Variants in MIOS observed in about 807,000 individuals in gnomAD.
MIOS encodes the protein GATOR2 complex protein MIOS.
Under a neutral mutation model 96.9 loss-of-function variants are expected in MIOS, and 52 were observed. That is an observed-to-expected ratio of 0.54 (90% CI 0.43 to 0.68). The LOEUF is 0.68. MIOS is among the 30% of genes least tolerant of loss of function. MIOS has a pLI of 0.00. For missense variants in MIOS, 1,005 were observed against 1,052.8 expected (o/e 0.95, Z 0.63); for synonymous variants, 397 against 359.5 (o/e 1.10, Z -1.18).
At chr7:7,605,821 T>A in intron 11 of MIOS, 121 bp from the exon 12 acceptor site, 1 of 993,444 alleles carries the variant, frequency 1.0e-6, no homozygotes, top group Non-Finnish European at 1.4e-6. Flanking sequence ...ACCATCAAAA[T>A]TGCTATTTCA....
chr7:7,571,947 G>A (rs1783368836), intron 3 of MIOS, among the ~76,000 whole-genome samples: 1 of 152,168 alleles, frequency 6.6e-6, no homozygotes. Context: ...CATTTCTAGT[G>A]CTCAGTAGCT....
At chr7:7,569,421 A>G (rs1197164039) in intron 3 of MIOS, among the ~76,000 whole-genome samples, 2 of 152,260 alleles carry the variant, frequency 1.3e-5, no homozygotes, top group Admixed American at 6.5e-5. Context: ...AGAATAAATG[A>G]AAGTATAATA....
chr7:7,589,242 T>A (rs528039430), intron 8 of MIOS, among the ~76,000 whole-genome samples, 163 bp from the exon 9 acceptor site: 1 of 152,304 alleles, frequency 6.6e-6, no homozygotes, highest in East Asian at 1.9e-4. Flanking sequence ...TGCTTTGAAA[T>A]TTGTAATAGA....
intron 1 of MIOS, chr7:7,567,397 C>CA (rs1285836207): frequency 2.0e-5 from 3 of 152,418 alleles, no homozygotes; most frequent in African/African-American, 7.2e-5. Context: ...GAGTCGGACT[C>CA]AGATTCCTGC....
chr7:7,603,756 TGC>T (rs1784445365), intron 11 of MIOS, among the ~76,000 whole-genome samples: 4 of 152,220 alleles, frequency 2.6e-5, no homozygotes, highest in Non-Finnish European at 4.4e-5. Context: ...TAAAGACACA[TGC>T]ACACGTATGT....
In MIOS at chr7:7,572,709, G is replaced by A; in HGVS notation, c.234G>A (p.Leu78=). The change falls in exon 4 of 13, where the codon CTG becomes CTA. Residue 78 remains leucine (L), a synonymous_variant. Transcript: ENST00000340080. The surrounding 1 kb of genome is among the most constrained non-coding windows in gnomAD (Gnocchi z 4.8). ...TTAATTATGATCCTGAATGTCTGCT[G>A]GCAGTTGGACAAGCAAATGGTCGAG... ...WYLNYDPECL[L]AVGQANGRVV... 1 of 1,614,152 alleles carries A rather than the reference G, an allele frequency of 6.2e-7. No individual in the cohort carries two copies. Among genetic ancestry groups the A allele is most frequent in the Non-Finnish European group, 8.5e-7 (1 of 1,180,006 alleles).
chr7:7,574,154 T>C lies in MIOS; in HGVS notation c.1351T>C (p.Leu451=). 1 of 1,611,100 alleles carries C rather than the reference T, an allele frequency of 6.2e-7. No homozygotes were observed. The highest frequency in any genetic ancestry group is 8.5e-7 in the Non-Finnish European group (1 of 1,178,324). The change falls in exon 5 of 13, where the codon TTG becomes CTG. Residue 451 remains leucine (L), a synonymous_variant. Coordinates refer to ENST00000340080, the MANE Select transcript of MIOS (RefSeq NM_019005.4). ...GAAATCTCCAGGCAACAAAGGATCA[T>C]TGGTTTATGCAGGAATTAAATCAAT... ...DQKSPGNKGS[L]VYAGIKSIVK... is the part of the protein sequence containing the mutation.
chr7:7,607,373 C>G lies in MIOS; in HGVS notation c.*281C>G, dbSNP rs757621081. Reference sequence around the variant, plus strand: ...TCTAAGTTTTGGTTGAAATTATGAACACTCTAGAAGCAGAATTTCTGGAAG... The same window carrying G: ...TCTAAGTTTTGGTTGAAATTATGAAGACTCTAGAAGCAGAATTTCTGGAAG... On this transcript the variant is annotated 3_prime_UTR_variant, in exon 13 of 13. Transcript: ENST00000340080. The G allele has an allele frequency of 3.3e-5, 8 of 240,786 alleles. No homozygotes were observed. The highest frequency in any genetic ancestry group is 5.6e-5 in the Non-Finnish European group (7 of 126,056). 14.9% of individuals were successfully genotyped at this position (240,786 alleles called of 1,614,324 possible). A position where few individuals can be genotyped will look rare whatever the true frequency, so the allele number is the denominator to read the frequency against.
chr7:7,596,126 A>T, intron 10 of MIOS, 131 bp from the exon 11 acceptor site: 1 of 756,488 alleles, frequency 1.3e-6, no homozygotes, highest in Non-Finnish European at 2.0e-6. Flanking sequence ...CAACCTTAGC[A>T]GATCAATTTT....
intron 7 of MIOS, 109 bp from the exon 8 acceptor site, chr7:7,588,389 A>C (rs1783952005): frequency 3.8e-6 from 2 of 525,838 alleles, no homozygotes; most frequent in Non-Finnish European, 6.2e-6. Flanking sequence ...CTTATTAATA[A>C]ATTTGGAAAT....
Position 7,574,202 on chromosome 7 carries a change from A to C in MIOS, c.1393+6A>C, listed in dbSNP as rs1272310327. On this transcript the variant is annotated splice_donor_region_variant and intron_variant, in intron 5 of 12. Transcript: ENST00000340080. ...AATTGTAAAGTCATCGTTGGGTAAGAAAATTCTATTTCATTTTCTCCAATA... is the reference window on the plus strand; with the variant it reads ...AATTGTAAAGTCATCGTTGGGTAAGCAAATTCTATTTCATTTTCTCCAATA... 1.3e-6 allele frequency: 2 copies of C among 1,582,172 alleles called. No individual in the cohort carries two copies. The highest frequency in any genetic ancestry group is 2.3e-5 in the South Asian group (2 of 87,368).
At chr7:7,596,213 T>C (rs1376101796) in intron 10 of MIOS, 44 bp from the exon 11 acceptor site, 1 of 1,538,002 alleles carries the variant, frequency 6.5e-7, no homozygotes, top group Admixed American at 1.7e-5. Context: ...AGCATTCCAT[T>C]ATGGTTTGCA....
At chr7:7,595,657 A>G (rs1178446429) in intron 10 of MIOS, among the ~76,000 whole-genome samples, 1 of 152,112 alleles carries the variant, frequency 6.6e-6, no homozygotes, top group Non-Finnish European at 1.5e-5. Flanking sequence ...GGATGGTGCT[A>G]TTTTCTTATT....
In MIOS at chr7:7,567,061, C is replaced by CTG. The variant is rs969751197; in HGVS notation, c.-231_-230dup. ...CGGAAGCGGCTGTGCGGCGGCCGCG[C>CTG]TGCCACCTCAGGTCAGTGAGCGCGA... On this transcript the variant is annotated 5_prime_UTR_variant, in exon 1 of 13. Transcript: ENST00000340080. The CTG allele has an allele frequency of 1.3e-5, 2 of 151,968 alleles. No individual in the cohort carries two copies. The highest frequency in any genetic ancestry group is 4.8e-5 in the African/African-American group (2 of 41,428). The allele number at this position is 151,968 out of a possible 1,614,324, so 9.4% of individuals were successfully genotyped here.
At chr7:7,580,436 C>A (rs1240108385) in intron 5 of MIOS, among the ~76,000 whole-genome samples, 1 of 152,060 alleles carries the variant, frequency 6.6e-6, no homozygotes, top group East Asian at 1.9e-4. Context: ...CCTGAATTGG[C>A]AATAGTTTCC....
chr7:7,597,517 T>A (rs4725004), intron 11 of MIOS, among the ~76,000 whole-genome samples: 45,488 of 70,328 alleles, frequency 0.65, 18,378 homozygotes, highest in Middle Eastern at 0.84. Context: ...TATATATATA[T>A]GAAGGCAATA....
At chr7:7,588,430 TCA>T (rs1232490679) in intron 7 of MIOS, 66 bp from the exon 8 acceptor site, 6 of 863,860 alleles carry the variant, frequency 6.9e-6, no homozygotes. Context: ...TATAAAACAT[TCA>T]GTCTCTGCAA....
intron 5 of MIOS, among the ~76,000 whole-genome samples, chr7:7,576,603 A>G (rs1382561646): frequency 6.6e-6 from 1 of 152,228 alleles, no homozygotes; most frequent in Non-Finnish European, 1.5e-5. Flanking sequence ...AATGGAGGCT[A>G]GAAAGGTAAG....
In MIOS at chr7:7,597,496, ATATATATATATATATATAT is replaced by A. The variant is rs1563040948; in HGVS notation, c.2401+1036_2401+1054del. Among the ~76,000 whole-genome samples, 307 of 67,016 alleles carry A rather than the reference ATATATATATATATATATAT, an allele frequency of 4.6e-3. 30 individuals are homozygous for A. Among genetic ancestry groups the A allele is most frequent in the Non-Finnish European group, 6.4e-3 (215 of 33,480 alleles). 44.0% of individuals were successfully genotyped at this position (67,016 alleles called of 152,430 possible). A position where few individuals can be genotyped will look rare whatever the true frequency, so the allele number is the denominator to read the frequency against. On this transcript the variant is annotated intron_variant, in intron 11 of 12. Transcript: ENST00000340080. ...TATATATATATATATATATATATATATATATATATATATATATATATGAAGGCAATACGTAATGTTTTAA... is the reference window on the plus strand; with the variant it reads ...TATATATATATATATATATATATATAATGAAGGCAATACGTAATGTTTTAA...
Sources: gnomAD v4.1 joint callset for allele counts (sites outside exome capture counted in the v4.1 genomes callset) on GRCh38, gnomAD v4.1.1 for gene constraint, Gnocchi (gnomAD v3.1) non-coding constraint, MANE v1.5 for transcripts, NCBI Gene and HGNC (gene_info 2026-07-23, HGNC 2026-07-21) for gene names.